Variants in DNMT1 observed in about 807,000 individuals in gnomAD.
The protein encoded by DNMT1 is DNA methyltransferase 1.
In DNMT1, 24 loss-of-function variants were observed where a neutral mutation model predicts 205.3. The ratio of observed to expected loss-of-function variants is 0.12; its 90% CI spans 0.08 to 0.16. DNMT1 has a LOEUF of 0.16. Among genes scored for constraint, DNMT1 ranks in the 10% least tolerant of loss-of-function variants. The pLI is 1.00. For synonymous variants in DNMT1, 817 were observed against 839.8 expected (o/e 0.97, Z 0.47); for missense variants, 1,293 against 2,177.7 (o/e 0.59, Z 8.09).
intron 12 of DNMT1, 86 bp from the exon 13 acceptor site, chr19:10,162,834 C>T (rs2145330513): frequency 2.8e-6 from 4 of 1,438,060 alleles, no homozygotes; most frequent in East Asian, 2.3e-5. Context: ...CAAACTAATG[C>T]CTCCCCATGG....
In DNMT1 at chr19:10,142,123, C is replaced by T; in HGVS notation, c.3214G>A (p.Val1072Met). Residue 1072 changes from valine (V) to methionine (M), a missense_variant, in exon 30 of 41, where the codon GTG (valine) becomes ATG (methionine). Transcript: ENST00000359526. ...DEEAVVDFKAVQGRCTVEYGE... is the reference protein window; with the variant it reads ...DEEAVVDFKAMQGRCTVEYGE... ...TACTCCACGGTGCAGCGGCCCTGCA[C>T]AGCCTTGAAGTCCACCACGGCCTCC... 6.2e-7 allele frequency: 1 copy of T among 1,614,030 alleles called. No individual in the cohort carries two copies. The highest frequency in any genetic ancestry group is 8.5e-7 in the Non-Finnish European group (1 of 1,180,016).
chr19:10,172,016 A>C (rs2038829698), intron 9 of DNMT1, among the ~76,000 whole-genome samples: 1 of 151,446 alleles, frequency 6.6e-6, no homozygotes, highest in Non-Finnish European at 1.5e-5. Flanking sequence ...CAAAAAAAAA[A>C]AATTAAATTA....
rs2089508980 is a variant in DNMT1, at chr19:10,137,422, T to A, written c.4294-142A>T. On this transcript the variant is annotated intron_variant, in intron 36 of 40. Coordinates refer to ENST00000359526, the MANE Select transcript of DNMT1 (RefSeq NM_001130823.3). This position sits in a 1 kb window ranked among gnomAD's most constrained non-coding sequence, Gnocchi z 6.4. ...ATCGGGAAAGAGACAGTCAGGGATATCGCACTTGGCTCGAGGCCACGGCAG... is the reference window on the plus strand; with the variant it reads ...ATCGGGAAAGAGACAGTCAGGGATAACGCACTTGGCTCGAGGCCACGGCAG... 1.2e-5 allele frequency: 13 copies of A among 1,112,914 alleles called. No individual in the cohort carries two copies. The East Asian group carries it at 3.4e-4, about 29-fold the overall frequency. The allele number at this position is 1,112,914 out of a possible 1,614,324, so 68.9% of individuals were successfully genotyped here. A position where few individuals can be genotyped will look rare whatever the true frequency, so the allele number is the denominator to read the frequency against.
rs564054594 is a variant in DNMT1, at chr19:10,140,872, G to A, written c.3432C>T (p.Ser1144=). Residue 1144 remains serine (S), a synonymous_variant, in exon 32 of 41, where the codon AGC becomes AGT. Coordinates refer to ENST00000359526, the MANE Select transcript of DNMT1 (RefSeq NM_001130823.3). This position sits in a 1 kb window ranked among gnomAD's most constrained non-coding sequence, Gnocchi z 8.4. The part of the protein sequence containing the change: ...GKPKSQACEP[S]EPEIEIKLPK... ...GCAGCTTGATCTCTATCTCTGGCTC[G>A]CTCGGCTCACAGGCTTGGGACTTGG... The A allele has an allele frequency of 3.3e-5, 54 of 1,614,128 alleles. No individual in the cohort carries two copies. The highest frequency in any genetic ancestry group is 4.2e-5 in the Non-Finnish European group (50 of 1,180,030).
At position 10,151,412 on chromosome 19, in the gene DNMT1, C is replaced by T. The variant is rs1381758934; in HGVS notation, c.2251G>A (p.Gly751Arg). ...CCAAGGGTTACCTTGACGGCTTCTC[C>T]GACCCAAGAGATGCGATTCTTGTTC... is the stretch of plus-strand genomic sequence containing the variant. ...KQNKNRISWV[G>R]EAVKTDGKKS... is the part of the protein sequence containing the mutation. The change falls in exon 24 of 41, where the codon GGA (glycine) becomes AGA (arginine). Residue 751 changes from glycine to arginine, a missense_variant. By Grantham distance (125) the Gly-to-Arg change is moderately radical. Around this residue, in one of 13 missense-constraint regions of DNMT1, gnomAD observed 197 missense variants for 353.6 expected, o/e 0.56. Coordinates refer to ENST00000359526, the MANE Select transcript of DNMT1 (RefSeq NM_001130823.3). The surrounding 1 kb of genome is among the most constrained non-coding windows in gnomAD (Gnocchi z 5.0). 6.2e-6 allele frequency: 10 copies of T among 1,613,618 alleles called. No homozygotes were observed. The highest frequency in any genetic ancestry group is 4.5e-5 in the East Asian group (2 of 44,896).
In DNMT1 at chr19:10,157,301, G is replaced by A. The variant is rs77303198; in HGVS notation, c.1281-792C>T. Among the ~76,000 whole-genome samples the A allele has an allele frequency of 5.6e-3, 857 of 152,186 alleles. 7 individuals carry two copies. Among genetic ancestry groups the A allele is most frequent in the African/African-American group, 0.017 (708 of 41,492 alleles). On this transcript the variant is annotated intron_variant, in intron 17 of 40. Coordinates refer to ENST00000359526, the MANE Select transcript of DNMT1 (RefSeq NM_001130823.3). ...TCATATGGTTAATTTTATATTATAC[G>A]AGTTAGACCTCAATTTAGAAAATAA...
rs913291021 is a variant in DNMT1 at position 10,133,607 on chromosome 19, C to T, written c.*60G>A. The T allele has an allele frequency of 1.3e-6, 2 of 1,557,544 alleles. No individual in the cohort carries two copies. Among genetic ancestry groups the T allele is most frequent in the African/African-American group, 2.7e-5 (2 of 73,658 alleles). ...CGGACAGATTGACATGTTAAAAACA[C>T]AACATCAGTGCATGTTGGGGATTCC... On this transcript the variant is annotated 3_prime_UTR_variant, in exon 41 of 41. Transcript: ENST00000359526. This position sits in a 1 kb window ranked among gnomAD's most constrained non-coding sequence, Gnocchi z 4.1.
In DNMT1 at chr19:10,137,421, A is replaced by G. The variant is rs1453272963; in HGVS notation, c.4294-141T>C. On this transcript the variant is annotated intron_variant, in intron 36 of 40. Transcript: ENST00000359526. This position sits in a 1 kb window ranked among gnomAD's most constrained non-coding sequence, Gnocchi z 6.4. Reference sequence around the variant, plus strand: ...CATCGGGAAAGAGACAGTCAGGGATATCGCACTTGGCTCGAGGCCACGGCA... The same window carrying G: ...CATCGGGAAAGAGACAGTCAGGGATGTCGCACTTGGCTCGAGGCCACGGCA... 3 of 1,117,786 alleles carry G rather than the reference A, an allele frequency of 2.7e-6. No homozygotes were observed. Among genetic ancestry groups the G allele is most frequent in the African/African-American group, 1.5e-5 (1 of 64,712 alleles). The allele number at this position is 1,117,786 out of a possible 1,614,324, so 69.2% of individuals were successfully genotyped here. A position where few individuals can be genotyped will look rare whatever the true frequency, so the allele number is the denominator to read the frequency against.
chr19:10,133,591 T>G lies in DNMT1; in HGVS notation c.*76A>C. ...GTACCACACATGTGAACGGACAGAT[T>G]GACATGTTAAAAACACAACATCAGT... On this transcript the variant is annotated 3_prime_UTR_variant, in exon 41 of 41. Coordinates refer to ENST00000359526, the MANE Select transcript of DNMT1 (RefSeq NM_001130823.3). The surrounding 1 kb of genome is among the most constrained non-coding windows in gnomAD (Gnocchi z 4.1). 45 of 1,511,020 alleles carry G rather than the reference T, an allele frequency of 3.0e-5. No individual in the cohort carries two copies. Among genetic ancestry groups the G allele is most frequent in the Non-Finnish European group, 3.8e-5 (42 of 1,108,506 alleles). The allele number at this position is 1,511,020 out of a possible 1,614,324, so 93.6% of individuals were successfully genotyped here. A position where few individuals can be genotyped will look rare whatever the true frequency, so the allele number is the denominator to read the frequency against.
intron 34 of DNMT1, among the ~76,000 whole-genome samples, chr19:10,139,234 G>A (rs1328383921): frequency 6.6e-6 from 1 of 152,218 alleles, no homozygotes; most frequent in Non-Finnish European, 1.5e-5. Flanking sequence ...CCATCTGTGG[G>A]GGTTTGTGTG....
chr19:10,156,348 T>G lies in DNMT1; in HGVS notation c.1399+43A>C. On this transcript the variant is annotated intron_variant, in intron 18 of 40. Transcript: ENST00000359526. The surrounding 1 kb of genome is among the most constrained non-coding windows in gnomAD (Gnocchi z 4.2). ...AGATGTGAGCCACCCTGCCTGGCTG[T>G]TTTTAAAGTGTGCCCCAAACATAAT... The G allele has an allele frequency of 6.6e-7, 1 of 1,523,566 alleles. No individual in the cohort carries two copies. Among genetic ancestry groups the G allele is most frequent in the Non-Finnish European group, 9.1e-7 (1 of 1,100,318 alleles). 94.4% of individuals were successfully genotyped at this position (1,523,566 alleles called of 1,614,324 possible). A position where few individuals can be genotyped will look rare whatever the true frequency, so the allele number is the denominator to read the frequency against.
intron 5 of DNMT1, among the ~76,000 whole-genome samples, chr19:10,179,126 C>CAAA (rs1000467616): frequency 9.2e-5 from 6 of 65,032 alleles, no homozygotes; most frequent in Admixed American, 1.7e-4. Context: ...GACTCCATCT[C>CAAA]AAAAAAAAAA....
rs984728792 is a variant in DNMT1, at chr19:10,180,565, C to G, written c.230G>C (p.Gly77Ala). ...KLRKEELSEE[G>A]YLAKVKSLLN... ...AAGGGATTTGACTTTAGCCAGGTAG[C>G]CCTCCTACAGCAGGAAAGGATAATT... Residue 77 changes from glycine (G) to alanine (A), a missense_variant, in exon 4 of 41, where the codon GGC becomes GCC. Transcript: ENST00000359526. 6.2e-7 allele frequency: 1 copy of G among 1,613,870 alleles called. No homozygotes were observed. Among genetic ancestry groups the G allele is most frequent in the Admixed American group, 1.7e-5 (1 of 59,936 alleles).
At chr19:10,135,638 C>T (rs755856641) in intron 39 of DNMT1, 98 bp downstream of exon 39, 13 of 1,292,978 alleles carry the variant, frequency 1.0e-5, no homozygotes, top group Admixed American at 7.9e-5. Context: ...AGCCAGCAGG[C>T]GTCCTCCCGG....
rs1207762162 is a variant in DNMT1 at position 10,140,264 on chromosome 19, G to A, written c.3588C>T (p.Asn1196=). 6.2e-7 allele frequency: 1 copy of A among 1,614,024 alleles called. No individual in the cohort carries two copies. Among genetic ancestry groups the A allele is most frequent in the South Asian group, 1.1e-5 (1 of 91,086 alleles). ...CTGTGAACACTGTGGAGCCGGGGTT[G>A]TTCAGCCGGAACGCCTGGGCCGCAG... ...WDPAAQAFRL[N]NPGSTVFTED... Residue 1196 remains asparagine (N), a synonymous_variant, in exon 33 of 41, where the codon AAC becomes AAT. Transcript: ENST00000359526. This position sits in a 1 kb window ranked among gnomAD's most constrained non-coding sequence, Gnocchi z 8.4.
intron 9 of DNMT1, among the ~76,000 whole-genome samples, chr19:10,171,763 C>A (rs2038820592): frequency 6.6e-6 from 1 of 151,628 alleles, no homozygotes; most frequent in Non-Finnish European, 1.5e-5. Flanking sequence ...GGAGATCAAG[C>A]CACTGCACTT....
intron 9 of DNMT1, among the ~76,000 whole-genome samples, chr19:10,171,901 G>A (rs2038826398): frequency 6.6e-6 from 1 of 151,862 alleles, no homozygotes; most frequent in African/African-American, 2.4e-5. Flanking sequence ...CAGCTAGTTG[G>A]GAGGCTGGGA....
In DNMT1 at chr19:10,140,838, G is replaced by A. The variant is rs2089586886; in HGVS notation, c.3466C>T (p.Arg1156Trp). The part of the protein sequence containing the change: ...PEIEIKLPKL[R>W]TLDVFSGCGG... Reference sequence around the variant, plus strand: ...CAGCCAGAAAACACATCCAGGGTCCGCAGCTTGGGCAGCTTGATCTCTATC... The same window carrying A: ...CAGCCAGAAAACACATCCAGGGTCCACAGCTTGGGCAGCTTGATCTCTATC... The change falls in exon 32 of 41, where the codon CGG (arginine) becomes TGG (tryptophan). Residue 1156 changes from arginine to tryptophan, a missense_variant. This residue lies in a region of DNMT1 where 26 missense variants were observed against 86.5 expected (regional missense o/e 0.30). Coordinates refer to ENST00000359526, the MANE Select transcript of DNMT1 (RefSeq NM_001130823.3). This position sits in a 1 kb window ranked among gnomAD's most constrained non-coding sequence, Gnocchi z 8.4. 3.1e-6 allele frequency: 5 copies of A among 1,614,162 alleles called. No homozygotes were observed. The highest frequency in any genetic ancestry group is 3.4e-6 in the Non-Finnish European group (4 of 1,180,036).
intron 11 of DNMT1, among the ~76,000 whole-genome samples, chr19:10,164,455 G>A (rs1555693034): frequency 6.6e-6 from 1 of 152,118 alleles, no homozygotes; most frequent in Non-Finnish European, 1.5e-5. Flanking sequence ...CAAAAAATAA[G>A]TTTAAAAAGT....
Sources: gnomAD v4.1 joint callset for allele counts (sites outside exome capture counted in the v4.1 genomes callset) on GRCh38, gnomAD v4.1.1 for gene constraint, gnomAD v4.1.1 regional missense constraint, Gnocchi (gnomAD v3.1) non-coding constraint, MANE v1.5 for transcripts, NCBI Gene and HGNC (gene_info 2026-07-23, HGNC 2026-07-21) for gene names.